YES1: variants seen among roughly 807,000 people sequenced by gnomAD.
YES1 encodes the protein YES proto-oncogene 1, Src family tyrosine kinase.
YES1 carries 39 observed loss-of-function variants against 70.4 expected under a neutral mutation model. The observed-to-expected ratio is 0.55, with a 90% CI of 0.43 to 0.72. The LOEUF (loss-of-function observed/expected upper bound fraction) is 0.72. Among genes scored for constraint, YES1 ranks in the 30% least tolerant of loss-of-function variants. YES1 has a pLI of 0.00. For missense variants in YES1, 495 were observed against 644.8 expected (o/e 0.77, Z 2.52); for synonymous variants, 198 against 218.6 (o/e 0.91, Z 0.83).
intron 10 of YES1, among the ~76,000 whole-genome samples, chr18:734,371 G>A (rs1198297111): frequency 6.6e-6 from 1 of 151,362 alleles, no homozygotes; most frequent in African/African-American, 2.4e-5. Context: ...TGGCTAATAC[G>A]GTAAAACCCC....
At chr18:733,782 CAAAAAAAAAAAAAAAAA>C (rs71174280) in intron 10 of YES1, among the ~76,000 whole-genome samples, 1 of 59,242 alleles carries the variant, frequency 1.7e-5, no homozygotes, top group African/African-American at 6.1e-5. Flanking sequence ...GACTCCGTCT[CAAAAAAAAAAAAAAAAA>C]AAAAAAAAAA....
Position 726,047 on chromosome 18 carries a change from TTTAA to T in YES1, c.1424-1419_1424-1416del, listed in dbSNP as rs565501026. On this transcript the variant is annotated intron_variant, in intron 11 of 11. Coordinates refer to ENST00000314574, the MANE Select transcript of YES1 (RefSeq NM_005433.4). The stretch of plus-strand genomic sequence containing the variant: ...TGTTCTTTTATTTTATGCTTATTAT[TTTAA>T]TTGACTGTTAGGATTAAGCAATCCA... 3.0e-4 allele frequency among the ~76,000 whole-genome samples: 45 copies of T among 152,342 alleles called. 1 individual carries two copies. Among genetic ancestry groups the T allele is most frequent in the African/African-American group, 1.0e-3 (43 of 41,576 alleles).
intron 1 of YES1, among the ~76,000 whole-genome samples, chr18:773,788 A>T (rs1485158384): frequency 6.6e-6 from 1 of 152,130 alleles, no homozygotes; most frequent in Non-Finnish European, 1.5e-5. Context: ...AAAGAAAAAA[A>T]TAAGAAAAAA....
At chr18:790,298 C>G (rs1454906967) in intron 1 of YES1, among the ~76,000 whole-genome samples, 2 of 152,168 alleles carry the variant, frequency 1.3e-5, no homozygotes, top group East Asian at 3.9e-4. Context: ...ATTGCTTGAA[C>G]CCGAGAGGCG....
At position 784,446 on chromosome 18, in the gene YES1, C is replaced by T. The variant is rs779960794; in HGVS notation, c.-8-27611G>A. 1.8e-4 allele frequency among the ~76,000 whole-genome samples: 27 copies of T among 152,296 alleles called. No homozygotes were observed. The Middle Eastern group carries it at 0.01, about 58-fold the overall frequency. On this transcript the variant is annotated intron_variant, in intron 1 of 11. Transcript: ENST00000314574. Reference sequence around the variant, plus strand: ...AGCTGAGAATGAACTCAGAATATTTCAGCTCAGTGTCTATTAATTATTGCT... The same window carrying T: ...AGCTGAGAATGAACTCAGAATATTTTAGCTCAGTGTCTATTAATTATTGCT...
intron 11 of YES1, among the ~76,000 whole-genome samples, chr18:730,677 C>A (rs1052328976): frequency 6.6e-6 from 1 of 152,096 alleles, no homozygotes; most frequent in Non-Finnish European, 1.5e-5. Context: ...TTCAGAAAAG[C>A]CAATATAAAT....
chr18:742,863 C>A (rs2145705772), intron 8 of YES1, 55 bp downstream of exon 8: 1 of 1,433,702 alleles, frequency 7.0e-7, no homozygotes, highest in South Asian at 1.5e-5. Context: ...GCATACAAAT[C>A]AAGACTCTTA....
intron 1 of YES1, among the ~76,000 whole-genome samples, chr18:793,773 C>G (rs955303108): frequency 1.3e-5 from 2 of 152,064 alleles, no homozygotes; most frequent in Admixed American, 6.6e-5. Context: ...TAAAGTAGTA[C>G]TCAACAAATG....
intron 1 of YES1, among the ~76,000 whole-genome samples, chr18:771,224 G>T (rs1905140707): frequency 6.6e-6 from 1 of 151,980 alleles, no homozygotes; most frequent in Admixed American, 6.6e-5. Flanking sequence ...AAAATAAGCT[G>T]GGCATGGTGG....
chr18:745,047 G>A (rs2080263366), intron 6 of YES1, among the ~76,000 whole-genome samples: 1 of 152,110 alleles, frequency 6.6e-6, no homozygotes, highest in African/African-American at 2.4e-5. Flanking sequence ...ATTGCTGGCT[G>A]ACTTGATAGA....
chr18:736,864 A>G lies in YES1; in HGVS notation c.1235T>C (p.Ile412Thr). 1 of 1,612,824 alleles carries G rather than the reference A, an allele frequency of 6.2e-7. No homozygotes were observed. The highest frequency in any genetic ancestry group is 8.5e-7 in the Non-Finnish European group (1 of 1,179,978). The stretch of plus-strand genomic sequence containing the variant: ...TAACCTTGCTAAACCAAAGTCTGCT[A>G]TTTTGCACACAAGATTTTCTCCTAC... ...ILVGENLVCK[I>T]ADFGLARLIE... Residue 412 changes from isoleucine (I) to threonine (T), a missense_variant, in exon 10 of 12, where the codon ATA becomes ACA. Ile to Thr is a moderately conservative substitution (Grantham distance 89). Transcript: ENST00000314574.
chr18:761,915 C>T (rs1042157781), intron 1 of YES1, among the ~76,000 whole-genome samples: 2 of 152,186 alleles, frequency 1.3e-5, no homozygotes, highest in African/African-American at 2.4e-5. Context: ...GGCTGGGCAT[C>T]GTGGCTCATG....
intron 1 of YES1, among the ~76,000 whole-genome samples, chr18:774,021 C>T (rs1386150588): frequency 1.3e-5 from 2 of 152,058 alleles, no homozygotes; most frequent in Admixed American, 6.6e-5. Flanking sequence ...TCAGTAGAGA[C>T]GGGGTTTCAC....
intron 11 of YES1, among the ~76,000 whole-genome samples, chr18:730,957 A>AGGGCAAGGT (rs61216473): frequency 0.59 from 89,392 of 151,928 alleles, 26,691 homozygotes; most frequent in East Asian, 0.71. Context: ...AGAAGGGTGA[A>AGGGCAAGGT]ATCAGCAAAG....
At chr18:750,854 G>GA (rs1173763233) in intron 3 of YES1, among the ~76,000 whole-genome samples, 1 of 152,220 alleles carries the variant, frequency 6.6e-6, no homozygotes, top group South Asian at 2.1e-4. Flanking sequence ...CCAGAAAAAA[G>GA]AAACAGTATG....
At position 722,864 on chromosome 18, in the gene YES1, G is replaced by C. The variant is rs376960673; in HGVS notation, c.*1560C>G. On this transcript the variant is annotated 3_prime_UTR_variant, in exon 12 of 12. Transcript: ENST00000314574. ...TCCCAGCACTTTGGGAGGCCGAGGCGGGCAGATCACAAGGTCAGGAGATCG... is the reference window on the plus strand; with the variant it reads ...TCCCAGCACTTTGGGAGGCCGAGGCCGGCAGATCACAAGGTCAGGAGATCG... 6.6e-6 allele frequency: 1 copy of C among 152,166 alleles called. No individual in the cohort carries two copies. Among genetic ancestry groups the C allele is most frequent in the African/African-American group, 2.4e-5 (1 of 41,440 alleles). The allele number at this position is 152,166 out of a possible 1,614,324, so 9.4% of individuals were successfully genotyped here. A position where few individuals can be genotyped will look rare whatever the true frequency, so the allele number is the denominator to read the frequency against.
chr18:808,378 T>A (rs1474059991), intron 1 of YES1, among the ~76,000 whole-genome samples: 2 of 152,162 alleles, frequency 1.3e-5, no homozygotes, highest in Non-Finnish European at 1.5e-5. Context: ...TCAGCCTAAT[T>A]GTGGCACTGG....
chr18:792,552 T>TCC lies in YES1; in HGVS notation c.-9+19561_-9+19562insGG, dbSNP rs1473069116. On this transcript the variant is annotated intron_variant, in intron 1 of 11. Coordinates refer to ENST00000314574, the MANE Select transcript of YES1 (RefSeq NM_005433.4). ...ATCTCTCTCTCTCTCTCTCTCTCTC[T>TCC]CTCCCTCTGTATATGTGTGTGTGTG... 1.5e-3 allele frequency among the ~76,000 whole-genome samples: 167 copies of TCC among 107,840 alleles called. 1 individual carries two copies. The highest frequency in any genetic ancestry group is 4.7e-3 in the African/African-American group (146 of 31,106). 70.7% of individuals were successfully genotyped at this position (107,840 alleles called of 152,430 possible).
At chr18:746,189 G>A (rs757532089) in intron 4 of YES1, 138 bp from the exon 5 acceptor site, 2 of 633,900 alleles carry the variant, frequency 3.2e-6, no homozygotes, top group Non-Finnish European at 5.6e-6. Context: ...ACAGGAAAAT[G>A]TAAGAGTTTT....
Sources: allele counts gnomAD v4.1 joint callset (sites outside exome capture counted in the v4.1 genomes callset), GRCh38; gene constraint gnomAD v4.1.1; transcripts MANE v1.5; gene names NCBI Gene and HGNC (gene_info 2026-07-23, HGNC 2026-07-21).